Variants in EYS observed in about 807,000 individuals in gnomAD.
EYS encodes EGF-like photoreceptor maintenance factor.
A neutral mutation model predicts 282.1 loss-of-function variants in EYS; 250 were observed. The ratio of observed to expected loss-of-function variants is 0.89; its 90% CI spans 0.80 to 0.98. The LOEUF (loss-of-function observed/expected upper bound fraction) is 0.98, where lower values mean the gene tolerates loss of function less well. Ranked by LOEUF, EYS falls within the 50% of genes least tolerant of loss-of-function variation. The probability of loss-of-function intolerance (pLI) is 0.00; values close to 1 mark genes in which losing one functional copy is unlikely to be tolerated. For synonymous variants in EYS, 1,355 were observed against 1,282.9 expected (o/e 1.06, Z -1.20); for missense variants, 4,016 against 3,709.0 (o/e 1.08, Z -2.15).
chr6:65,205,528 A>T (rs1226750384), intron 12 of EYS, among the ~76,000 whole-genome samples: 1 of 151,880 alleles, frequency 6.6e-6, no homozygotes, highest in Non-Finnish European at 1.5e-5. Flanking sequence ...ACCCTGACTT[A>T]AACTATACTC....
intron 12 of EYS, among the ~76,000 whole-genome samples, chr6:65,252,974 A>G (rs956130848): frequency 6.6e-6 from 1 of 151,960 alleles, no homozygotes; most frequent in Non-Finnish European, 1.5e-5. Context: ...TAAAATTTCT[A>G]GCATTTGAGA....
intron 30 of EYS, among the ~76,000 whole-genome samples, chr6:64,297,814 C>G (rs1582556905): frequency 6.6e-6 from 1 of 151,840 alleles, no homozygotes; most frequent in South Asian, 2.1e-4. Flanking sequence ...ACCATCTCTA[C>G]TAAAAATACA....
chr6:64,566,470 T>C (rs1201323358), intron 26 of EYS, among the ~76,000 whole-genome samples: 1 of 152,192 alleles, frequency 6.6e-6, no homozygotes, highest in African/African-American at 2.4e-5. Context: ...AAGCAATGTT[T>C]ACTTCAGCAA....
intron 12 of EYS, among the ~76,000 whole-genome samples, chr6:65,193,443 A>G (rs1765690660): frequency 6.6e-6 from 1 of 151,806 alleles, no homozygotes; most frequent in Non-Finnish European, 1.5e-5. Flanking sequence ...GCGCCTTTTC[A>G]AAAAGGTGAA....
chr6:64,065,203 A>C (rs1171118049), intron 33 of EYS, among the ~76,000 whole-genome samples: 1 of 152,072 alleles, frequency 6.6e-6, no homozygotes, highest in Non-Finnish European at 1.5e-5. Context: ...CATTTTGTTG[A>C]TGTGATTTTC....
chr6:64,819,575 C>G (rs935345910), intron 21 of EYS, among the ~76,000 whole-genome samples: 1 of 151,714 alleles, frequency 6.6e-6, no homozygotes, highest in Non-Finnish European at 1.5e-5. Flanking sequence ...AGATTCCTAG[C>G]TTTTATCAAT....
At chr6:64,689,986 T>C (rs1422181449) in intron 22 of EYS, among the ~76,000 whole-genome samples, 1 of 152,004 alleles carries the variant, frequency 6.6e-6, no homozygotes, top group African/African-American at 2.4e-5. Flanking sequence ...TGGGATCTAA[T>C]TAAACTAAAG....
At chr6:64,332,801 A>G (rs1227995825) in intron 29 of EYS, among the ~76,000 whole-genome samples, 1 of 152,216 alleles carries the variant, frequency 6.6e-6, no homozygotes. Context: ...AAGGAAATCA[A>G]TGATAGATAA....
chr6:64,634,756 A>G (rs1054833841), intron 22 of EYS, among the ~76,000 whole-genome samples: 1 of 152,248 alleles, frequency 6.6e-6, no homozygotes, highest in African/African-American at 2.4e-5. Flanking sequence ...AATAAATTCA[A>G]ACTACACTGA....
chr6:64,684,047 C>A (rs868704140), intron 22 of EYS, among the ~76,000 whole-genome samples: 4 of 152,188 alleles, frequency 2.6e-5, no homozygotes, highest in Non-Finnish European at 5.9e-5. Flanking sequence ...GAGCTGCCAA[C>A]TCTCTCACTC....
intron 36 of EYS, among the ~76,000 whole-genome samples, chr6:63,839,435 T>C (rs970632341): frequency 6.6e-6 from 1 of 152,236 alleles, no homozygotes; most frequent in Non-Finnish European, 1.5e-5. Context: ...TGTGTATATG[T>C]ATGACATTTT....
intron 16 of EYS, among the ~76,000 whole-genome samples, chr6:64,910,275 T>C (rs952237387): frequency 2.6e-5 from 4 of 152,298 alleles, no homozygotes; most frequent in East Asian, 3.9e-4. Flanking sequence ...GAACCTATTT[T>C]AAATAAAGCT....
At chr6:64,139,967 CAATAAATAAATAAATA>C (rs68103337) in intron 31 of EYS, among the ~76,000 whole-genome samples, 6,819 of 143,698 alleles carry the variant, frequency 0.047, 518 homozygotes, top group African/African-American at 0.16. Flanking sequence ...GATTCTGTCT[CAATAAATAAATAAATA>C]AATAAATAAA....
At chr6:65,262,184 T>C (rs1039949789) in intron 12 of EYS, among the ~76,000 whole-genome samples, 4 of 152,236 alleles carry the variant, frequency 2.6e-5, no homozygotes, top group Admixed American at 2.6e-4. Flanking sequence ...TCCAGTAACA[T>C]ACCTTTGATT....
Position 63,892,327 on chromosome 6 carries a change from T to TG in EYS, c.7056-27970_7056-27969insC, listed in dbSNP as rs1277309946. The stretch of plus-strand genomic sequence containing the variant: ...AGGCATCACACTACCTGACTTCAAA[T>TG]TAATCTACAAGGCTACAGTAACCAA... On this transcript the variant is annotated intron_variant, in intron 35 of 42. Coordinates refer to ENST00000503581, the MANE Select transcript of EYS (RefSeq NM_001142800.2). Among the ~76,000 whole-genome samples, 1,035 of 152,080 alleles carry TG rather than the reference T, an allele frequency of 6.8e-3. 11 individuals carry two copies. Among genetic ancestry groups the TG allele is most frequent in the African/African-American group, 0.023 (948 of 41,494 alleles).
At chr6:65,358,102 G>A (rs1232408343) in intron 8 of EYS, among the ~76,000 whole-genome samples, 7 of 151,870 alleles carry the variant, frequency 4.6e-5, no homozygotes, top group South Asian at 4.1e-4. Context: ...GAACAAAAGA[G>A]ATTAAAAATT....
intron 14 of EYS, among the ~76,000 whole-genome samples, chr6:64,974,894 G>T (rs1376009114): frequency 6.6e-6 from 1 of 151,628 alleles, no homozygotes; most frequent in Non-Finnish European, 1.5e-5. Flanking sequence ...TGGACTTCTT[G>T]GTGTGTGCAT....
chr6:65,420,392 T>C (rs1191753989), intron 5 of EYS, among the ~76,000 whole-genome samples: 2 of 151,998 alleles, frequency 1.3e-5, no homozygotes, highest in African/African-American at 2.4e-5. Flanking sequence ...TCCATTAAAG[T>C]TGTATCACGA....
At chr6:65,352,137 A>C (rs1234611271) in intron 9 of EYS, among the ~76,000 whole-genome samples, 1 of 151,860 alleles carries the variant, frequency 6.6e-6, no homozygotes, top group East Asian at 1.9e-4. Flanking sequence ...TATTTCTGTC[A>C]CTAAAGGTTG....
Sources: allele counts gnomAD v4.1 joint callset (sites outside exome capture counted in the v4.1 genomes callset), GRCh38; gene constraint gnomAD v4.1.1; transcripts MANE v1.5; gene names NCBI Gene and HGNC (gene_info 2026-07-23, HGNC 2026-07-21).